STRN3: variants seen among roughly 807,000 people sequenced by gnomAD.
STRN3 encodes the protein striatin-3.
A neutral mutation model predicts 95.6 loss-of-function variants in STRN3; 29 were observed. The ratio of observed to expected loss-of-function variants is 0.30; its 90% CI spans 0.23 to 0.41. The LOEUF (loss-of-function observed/expected upper bound fraction) is 0.41, where lower values mean the gene tolerates loss of function less well. STRN3 is among the 10% of genes least tolerant of loss of function. The pLI, the probability that STRN3 is intolerant of heterozygous loss-of-function variation, is 1.00. For missense variants in STRN3, 890 were observed against 972.1 expected (o/e 0.92, Z 1.12); for synonymous variants, 331 against 357.6 (o/e 0.93, Z 0.84).
chr14:30,987,829 C>T (rs1881770435), intron 1 of STRN3, among the ~76,000 whole-genome samples: 1 of 151,832 alleles, frequency 6.6e-6, no homozygotes, highest in Admixed American at 6.6e-5. Context: ...CCTCTGCCTC[C>T]CGGGTTCAAG....
rs1896440031 is a variant in STRN3 at position 30,905,569 on chromosome 14, C to T, written c.1889-11G>A. On this transcript the variant is annotated splice_polypyrimidine_tract_variant and intron_variant, in intron 14 of 17. Coordinates refer to ENST00000357479, the MANE Select transcript of STRN3 (RefSeq NM_001083893.2). Reference sequence around the variant, plus strand: ...TAGGTATTCCATGCTCTGAAATGAGCCCAAAGACAGACAATGTAAACAAAG... The same window carrying T: ...TAGGTATTCCATGCTCTGAAATGAGTCCAAAGACAGACAATGTAAACAAAG... The T allele has an allele frequency of 6.3e-7, 1 of 1,586,906 alleles. No individual in the cohort carries two copies. The highest frequency in any genetic ancestry group is 1.9e-5 in the Admixed American group (1 of 53,726).
At chr14:30,948,023 G>A (rs1879451443) in intron 4 of STRN3, among the ~76,000 whole-genome samples, 1 of 151,926 alleles carries the variant, frequency 6.6e-6, no homozygotes, top group African/African-American at 2.4e-5. Context: ...GACTAGATCA[G>A]GACACTAGCA....
At chr14:31,012,367 TAA>T (rs1214683441) in intron 1 of STRN3, among the ~76,000 whole-genome samples, 3 of 152,190 alleles carry the variant, frequency 2.0e-5, no homozygotes, top group African/African-American at 7.2e-5. Context: ...AGCCATGAAA[TAA>T]AGTGTCACAC....
chr14:31,016,670 A>C (rs1190226542), intron 1 of STRN3, among the ~76,000 whole-genome samples: 1 of 152,014 alleles, frequency 6.6e-6, no homozygotes, highest in Admixed American at 6.6e-5. Flanking sequence ...TCAGCTTCCC[A>C]AGTAGCTGGG....
At chr14:30,902,735 C>A in intron 15 of STRN3, 92 bp from the exon 16 acceptor site, 1 of 818,546 alleles carries the variant, frequency 1.2e-6, no homozygotes, top group East Asian at 2.8e-5. Context: ...ATATAAAAAT[C>A]ATTAAAAACT....
At chr14:30,944,745 G>A (rs1244536375) in intron 5 of STRN3, among the ~76,000 whole-genome samples, 1 of 150,820 alleles carries the variant, frequency 6.6e-6, no homozygotes, top group Admixed American at 6.6e-5. Context: ...AGCCTCCCAA[G>A]TAGCTGGGAT....
intron 8 of STRN3, 46 bp downstream of exon 8, chr14:30,929,155 C>T (rs1333877086): frequency 6.8e-7 from 1 of 1,480,692 alleles, no homozygotes; most frequent in Admixed American, 2.2e-5. Flanking sequence ...ACTTTTTTCT[C>T]AATTATTGGT....
chr14:30,908,350 CA>C (rs1376463508), intron 13 of STRN3, among the ~76,000 whole-genome samples: 3 of 151,970 alleles, frequency 2.0e-5, no homozygotes, highest in Admixed American at 2.0e-4. Flanking sequence ...ACTACCACAC[CA>C]AAACAATCCT....
chr14:30,919,999 A>G (rs1228653453), intron 8 of STRN3, among the ~76,000 whole-genome samples: 1 of 152,198 alleles, frequency 6.6e-6, no homozygotes, highest in Non-Finnish European at 1.5e-5. Flanking sequence ...AAGTTTAAAA[A>G]AATAAAATAG....
intron 1 of STRN3, among the ~76,000 whole-genome samples, chr14:30,970,062 T>C (rs1880747471): frequency 6.6e-6 from 1 of 152,214 alleles, no homozygotes; most frequent in African/African-American, 2.4e-5. Flanking sequence ...AATTTAACTT[T>C]TTCATCTATT....
At chr14:30,995,272 G>A (rs1483002781) in intron 1 of STRN3, among the ~76,000 whole-genome samples, 1 of 151,940 alleles carries the variant, frequency 6.6e-6, no homozygotes, top group Non-Finnish European at 1.5e-5. Flanking sequence ...TGAAGCATCT[G>A]CATATTGTTT....
In STRN3 at chr14:30,929,957, A is replaced by AAAAAAAAAC. The variant is rs1555317332; in HGVS notation, c.989-647_989-646insGTTTTTTTT. 8.3e-3 allele frequency among the ~76,000 whole-genome samples: 1,154 copies of AAAAAAAAAC among 138,208 alleles called. 68 individuals carry two copies. Among genetic ancestry groups the AAAAAAAAAC allele is most frequent in the African/African-American group, 0.028 (1,012 of 36,254 alleles). 90.7% of individuals were successfully genotyped at this position (138,208 alleles called of 152,430 possible). ...ATTGGTCTACAACTAAGATTAGCAA[A>AAAAAAAAAC]AAAAAAAAAAAAAAAAAAAAAACTC... On this transcript the variant is annotated intron_variant, in intron 7 of 17. Transcript: ENST00000357479.
chr14:30,939,212 C>G (rs1318886627), intron 5 of STRN3, among the ~76,000 whole-genome samples: 1 of 152,146 alleles, frequency 6.6e-6, no homozygotes, highest in Non-Finnish European at 1.5e-5. Context: ...AAGACTGTCT[C>G]TATCTTACAA....
intron 5 of STRN3, among the ~76,000 whole-genome samples, chr14:30,939,051 T>G (rs1020530766): frequency 2.0e-5 from 3 of 152,150 alleles, no homozygotes; most frequent in Non-Finnish European, 2.9e-5. Flanking sequence ...AGGATCATGT[T>G]TGCTGAATTT....
chr14:30,900,740 A>T (rs1896290582), intron 16 of STRN3, among the ~76,000 whole-genome samples: 1 of 121,012 alleles, frequency 8.3e-6, no homozygotes, highest in Non-Finnish European at 1.8e-5. Flanking sequence ...ACAGAGCAAG[A>T]CTGGCTCAAA....
chr14:30,950,732 A>C, intron 4 of STRN3, 131 bp downstream of exon 4: 1 of 796,868 alleles, frequency 1.3e-6, no homozygotes, highest in Non-Finnish European at 2.0e-6. Context: ...AAGCATCTAC[A>C]CAGCAAAAAA....
chr14:31,001,711 T>C (rs1882459832), intron 1 of STRN3, among the ~76,000 whole-genome samples: 2 of 152,170 alleles, frequency 1.3e-5, no homozygotes, highest in South Asian at 2.1e-4. Flanking sequence ...CTATTCACAA[T>C]TGCTAAAACT....
At chr14:30,978,196 G>A (rs1881208515) in intron 1 of STRN3, among the ~76,000 whole-genome samples, 1 of 152,088 alleles carries the variant, frequency 6.6e-6, no homozygotes, top group Non-Finnish European at 1.5e-5. Context: ...CCAGAAAAAT[G>A]TACTAGAAGA....
chr14:31,024,125 C>G (rs1883654733), intron 1 of STRN3, among the ~76,000 whole-genome samples: 1 of 152,144 alleles, frequency 6.6e-6, no homozygotes. Flanking sequence ...AATTTGGGCA[C>G]AAGATATCTT....
Sources: allele counts gnomAD v4.1 joint callset (sites outside exome capture counted in the v4.1 genomes callset), GRCh38; gene constraint gnomAD v4.1.1; transcripts MANE v1.5; gene names NCBI Gene and HGNC (gene_info 2026-07-23, HGNC 2026-07-21).